The following BCAS3 variants were observed in gnomAD, a reference collection of about 807,000 sequenced individuals.
BCAS3 encodes the protein BCAS3 microtubule associated cell migration factor, also known as BCAS4/BCAS3 fusion.
BCAS3 carries 53 observed loss-of-function variants against 116.1 expected under a neutral mutation model. That is an observed-to-expected ratio of 0.46 (90% CI 0.37 to 0.57). The LOEUF is 0.57. Among genes scored for constraint, BCAS3 ranks in the 20% least tolerant of loss-of-function variants. The pLI is 0.00. For synonymous variants in BCAS3, 391 were observed against 408.2 expected (o/e 0.96, Z 0.51); for missense variants, 917 against 1,165.4 (o/e 0.79, Z 3.10).
At position 60,844,038 on chromosome 17, in the gene BCAS3, C is replaced by T. The variant is rs573613597; in HGVS notation, c.477-24538C>T. Among the ~76,000 whole-genome samples the T allele has an allele frequency of 2.4e-4, 37 of 152,272 alleles. No individual in the cohort carries two copies. The South Asian group carries it at 7.7e-3, about 32-fold the overall frequency. ...AGTCTGGAATGCAATGGCGTGATCT[C>T]GGCTCACCGCAACCTCTGCCTCCTG... On this transcript the variant is annotated intron_variant, in intron 7 of 23. Transcript: ENST00000407086.
chr17:60,868,126 C>T (rs904846348), intron 7 of BCAS3, among the ~76,000 whole-genome samples: 3 of 151,184 alleles, frequency 2.0e-5, no homozygotes, highest in Non-Finnish European at 4.4e-5. Flanking sequence ...TAGGTTCAAG[C>T]GATTCTCCTG....
intron 6 of BCAS3, among the ~76,000 whole-genome samples, chr17:60,752,459 T>G (rs931402640): frequency 6.6e-6 from 1 of 151,800 alleles, no homozygotes; most frequent in Non-Finnish European, 1.5e-5. Context: ...AGTCTCACTC[T>G]GTCGCCCAGG....
At chr17:60,682,716 T>G (rs2033360280) in intron 2 of BCAS3, among the ~76,000 whole-genome samples, 1 of 152,084 alleles carries the variant, frequency 6.6e-6, no homozygotes, top group South Asian at 2.1e-4. Context: ...GCGACAGGGT[T>G]TCACCATGTT....
At chr17:60,715,108 T>C (rs2038414308) in intron 5 of BCAS3, among the ~76,000 whole-genome samples, 1 of 151,838 alleles carries the variant, frequency 6.6e-6, no homozygotes, top group Non-Finnish European at 1.5e-5. Flanking sequence ...ATGAAACAAA[T>C]GAAGTTCTGT....
At chr17:61,293,477 C>T (rs575138640) in intron 22 of BCAS3, among the ~76,000 whole-genome samples, 3 of 152,162 alleles carry the variant, frequency 2.0e-5, no homozygotes, top group Non-Finnish European at 4.4e-5. Flanking sequence ...AAGAACTGCA[C>T]GTTTAACCTT....
intron 22 of BCAS3, among the ~76,000 whole-genome samples, chr17:61,221,973 G>A (rs749863888): frequency 5.9e-5 from 9 of 152,170 alleles, no homozygotes; most frequent in Non-Finnish European, 1.3e-4. Flanking sequence ...AGATAATGCA[G>A]TATGGCACAG....
intron 5 of BCAS3, among the ~76,000 whole-genome samples, chr17:60,713,553 G>T (rs1249722479): frequency 6.6e-6 from 1 of 152,028 alleles, no homozygotes; most frequent in Non-Finnish European, 1.5e-5. Flanking sequence ...AAAAAAGGAT[G>T]GTTGTGTCTG....
rs75349362 is a variant in BCAS3, at chr17:61,175,186, T to A, written c.2425+90622T>A. ...CTTTCGGAGGCCAAGGCAGGAAGAT[T>A]ACTTGTTGGCAGGAGTTCGAGATCA... On this transcript the variant is annotated intron_variant, in intron 22 of 23. Coordinates refer to ENST00000407086, the MANE Select transcript of BCAS3 (RefSeq NM_017679.5). Among the ~76,000 whole-genome samples, 132 of 152,188 alleles carry A rather than the reference T, an allele frequency of 8.7e-4. 1 individual carries two copies. The highest frequency in any genetic ancestry group is 3.1e-3 in the African/African-American group (128 of 41,512).
At chr17:60,946,845 C>G (rs73322725) in intron 13 of BCAS3, among the ~76,000 whole-genome samples, 7,239 of 152,002 alleles carry the variant, frequency 0.048, 550 homozygotes, top group African/African-American at 0.16. Context: ...CAGGAATTTG[C>G]GGCTGCAGTG....
At chr17:60,681,108 G>A (rs1039822922) in intron 2 of BCAS3, among the ~76,000 whole-genome samples, 11 of 152,192 alleles carry the variant, frequency 7.2e-5, no homozygotes, top group Non-Finnish European at 1.2e-4. Context: ...GGGAGGCTGA[G>A]ATGGGAGGAT....
intron 16 of BCAS3, among the ~76,000 whole-genome samples, chr17:61,027,821 A>T (rs1024145718): frequency 6.6e-6 from 1 of 151,948 alleles, no homozygotes; most frequent in African/African-American, 2.4e-5. Context: ...GTGTTAGTAT[A>T]TAACAGTGCC....
intron 6 of BCAS3, among the ~76,000 whole-genome samples, chr17:60,793,146 G>C (rs1401968585): frequency 6.6e-6 from 1 of 152,052 alleles, no homozygotes; most frequent in South Asian, 2.1e-4. Flanking sequence ...CGCCCAGGCT[G>C]GAGTGCAGTG....
chr17:60,689,878 T>C (rs1027151257), intron 4 of BCAS3, 117 bp downstream of exon 4: 1 of 703,360 alleles, frequency 1.4e-6, no homozygotes, highest in Non-Finnish European at 2.3e-6. Context: ...ATTTTTCAGT[T>C]TTCAAAATAA....
chr17:61,142,800 T>A (rs954916142), intron 22 of BCAS3, among the ~76,000 whole-genome samples: 1 of 152,180 alleles, frequency 6.6e-6, no homozygotes, highest in African/African-American at 2.4e-5. Flanking sequence ...GTTGGGGTTG[T>A]ATGATGGATG....
At chr17:60,936,294 T>C (rs1295312780) in intron 13 of BCAS3, among the ~76,000 whole-genome samples, 1 of 148,380 alleles carries the variant, frequency 6.7e-6, no homozygotes, top group Non-Finnish European at 1.5e-5. Context: ...GTCTTTGCTA[T>C]TGTGAATAGT....
intron 14 of BCAS3, chr17:60,987,250 G>C (rs1419108850): frequency 6.7e-6 from 1 of 149,740 alleles, no homozygotes; most frequent in Non-Finnish European, 1.5e-5. Flanking sequence ...AGTATAATTT[G>C]AAGTCAGGTA....
At chr17:61,168,562 A>G (rs2078653626) in intron 22 of BCAS3, among the ~76,000 whole-genome samples, 1 of 152,180 alleles carries the variant, frequency 6.6e-6, no homozygotes, top group South Asian at 2.1e-4. Context: ...TTTCCCTAGT[A>G]ATTTAATTAG....
At chr17:60,781,669 TG>T (rs2045848081) in intron 6 of BCAS3, among the ~76,000 whole-genome samples, 1 of 152,170 alleles carries the variant, frequency 6.6e-6, no homozygotes, top group Non-Finnish European at 1.5e-5. Context: ...TTCTTCTTAT[TG>T]TTTTTGTCTT....
chr17:60,847,948 T>C (rs2052680081), intron 7 of BCAS3, among the ~76,000 whole-genome samples: 1 of 152,214 alleles, frequency 6.6e-6, no homozygotes, highest in Admixed American at 6.5e-5. Context: ...ACCTATTTGT[T>C]TGCTCCTAAG....
Sources: gnomAD v4.1 joint callset for allele counts (sites outside exome capture counted in the v4.1 genomes callset) on GRCh38, gnomAD v4.1.1 for gene constraint, MANE v1.5 for transcripts, NCBI Gene and HGNC (gene_info 2026-07-23, HGNC 2026-07-21) for gene names.